MATR3: variants seen among roughly 807,000 people sequenced by gnomAD.
MATR3 encodes matrin 3.
MATR3 carries 4 observed loss-of-function variants against 85.5 expected under a neutral mutation model. The observed-to-expected ratio is 0.05, with a 90% confidence interval of 0.02 to 0.11. The LOEUF (loss-of-function observed/expected upper bound fraction) is 0.11, where lower values mean the gene tolerates loss of function less well. Among genes scored for constraint, MATR3 ranks in the 10% least tolerant of loss-of-function variants. The pLI, the probability that MATR3 is intolerant of heterozygous loss-of-function variation, is 1.00. For missense variants in MATR3, 685 were observed against 1,016.1 expected (o/e 0.67, Z 4.43); for synonymous variants, 336 against 343.1 (o/e 0.98, Z 0.23).
upstream of MATR3, chr5:139,293,688 G>A (rs996629979): frequency 1.9e-5 from 6 of 308,198 alleles, no homozygotes; most frequent in Admixed American, 1.5e-4. Flanking sequence ...TTGTTCTTGG[G>A]CTGCAGCCGC....
At chr5:139,325,729 T>C (rs1755823026) in intron 13 of MATR3, 67 bp downstream of exon 13, 4 of 1,422,120 alleles carry the variant, frequency 2.8e-6, no homozygotes, top group South Asian at 1.2e-5. Context: ...GGTTTTAAAA[T>C]AAGATTTTAA....
intron 4 of MATR3, 36 bp from the exon 5 acceptor site, chr5:139,316,040 T>C (rs1755226279): frequency 7.0e-7 from 1 of 1,438,804 alleles, no homozygotes; most frequent in Non-Finnish European, 9.8e-7. Context: ...TGGACCTCTT[T>C]ATTATGATTT....
intron 2 of MATR3, chr5:139,311,020 A>T (rs1389226955): frequency 6.6e-6 from 1 of 150,578 alleles, no homozygotes; most frequent in East Asian, 1.9e-4. Context: ...CTGGTCTTGA[A>T]CTCCTGACCT....
In MATR3 at chr5:139,330,440, A is replaced by G; in HGVS notation, c.*1045A>G. 1 of 454,466 alleles carries G rather than the reference A, an allele frequency of 2.2e-6. No homozygotes were observed. Among genetic ancestry groups the G allele is most frequent in the South Asian group, 1.6e-5 (1 of 64,476 alleles). The allele number at this position is 454,466 out of a possible 1,614,324, so 28.2% of individuals were successfully genotyped here. On this transcript the variant is annotated 3_prime_UTR_variant, in exon 15 of 15. Coordinates refer to ENST00000394805, the MANE Select transcript of MATR3 (RefSeq NM_018834.6). ...GTTATACATGTTTGGAATGTTAACC[A>G]ACGTATTTGTCAGTTGTGGTTTTTA... is the stretch of plus-strand genomic sequence containing the variant.
At chr5:139,303,803 T>A (rs1021966638) in intron 1 of MATR3, among the ~76,000 whole-genome samples, 2 of 152,198 alleles carry the variant, frequency 1.3e-5, no homozygotes, top group Non-Finnish European at 2.9e-5. Flanking sequence ...TCTAAGAAAT[T>A]AAAGTTAGCT....
At chr5:139,327,722 G>C (rs1044397580) in intron 14 of MATR3, among the ~76,000 whole-genome samples, 1 of 151,416 alleles carries the variant, frequency 6.6e-6, no homozygotes, top group Non-Finnish European at 1.5e-5. Flanking sequence ...TGCCCGCCCT[G>C]GTACAAATAT....
In MATR3 at chr5:139,308,298, A is replaced by G. The variant is rs1295380909; in HGVS notation, c.883A>G (p.Ile295Val). Residue 295 changes from isoleucine to valine, a missense_variant, in exon 2 of 15, where the codon ATA becomes GTA. Physicochemically the swap from Ile to Val is conservative, Grantham distance 29 (BLOSUM62 3). Around this residue, in one of 9 missense-constraint regions of MATR3, gnomAD observed 223 missense variants for 334.4 expected, o/e 0.67. Coordinates refer to ENST00000394805, the MANE Select transcript of MATR3 (RefSeq NM_018834.6). ...GAAGGGTTATCCCCATCTGTGCTCT[A>G]TATGTGATTTGCCAGTTCATTCTAA... The part of the protein sequence containing the change: ...LPKGYPHLCS[I>V]CDLPVHSNKE... 3.7e-6 allele frequency: 6 copies of G among 1,614,022 alleles called. No homozygotes were observed. The highest frequency in any genetic ancestry group is 1.3e-5 in the African/African-American group (1 of 74,924).
Position 139,325,434 on chromosome 5 carries a change from A to C in MATR3, c.2149-6A>C. Reference sequence around the variant, plus strand: ...CAAAAATGATGATGGTTTGGTTGAAATTAAGGTGGACAAGATCGAGGAACT... The same window carrying C: ...CAAAAATGATGATGGTTTGGTTGAACTTAAGGTGGACAAGATCGAGGAACT... On this transcript the variant is annotated splice_polypyrimidine_tract_variant and splice_region_variant and intron_variant, in intron 12 of 14. Transcript: ENST00000394805. The C allele has an allele frequency of 6.2e-7, 1 of 1,614,200 alleles. No homozygotes were observed. The highest frequency in any genetic ancestry group is 8.5e-7 in the Non-Finnish European group (1 of 1,180,036).
At chr5:139,286,424 A>C (rs1441889815) in intron 3 of MATR3, among the ~76,000 whole-genome samples, 1 of 151,206 alleles carries the variant, frequency 6.6e-6, no homozygotes, top group East Asian at 2.0e-4. Context: ...TAATCCTCCC[A>C]CCTCGGCCTC....
At chr5:139,328,641 G>A (rs2152031447) in intron 14 of MATR3, among the ~76,000 whole-genome samples, 2 of 152,272 alleles carry the variant, frequency 1.3e-5, no homozygotes, top group South Asian at 4.1e-4. Flanking sequence ...AAGACTGAAT[G>A]GCCCAATGAG....
At chr5:139,315,031 G>A (rs1293694890) in intron 3 of MATR3, 1 of 360,910 alleles carries the variant, frequency 2.8e-6, no homozygotes. Flanking sequence ...GATATGTAGA[G>A]TGGATTAAAC....
At chr5:139,289,615 C>G (rs1561922517), upstream of MATR3, among the ~76,000 whole-genome samples, 1 of 152,332 alleles carries the variant, frequency 6.6e-6, no homozygotes, top group Non-Finnish European at 1.5e-5. Flanking sequence ...CCTCCTGTTA[C>G]TGTAAAGGAA....
At chr5:139,315,630 G>A in intron 3 of MATR3, 67 bp from the exon 4 acceptor site, 2 of 1,006,330 alleles carry the variant, frequency 2.0e-6, no homozygotes, top group Non-Finnish European at 3.2e-6. Flanking sequence ...TATTTTAGAG[G>A]CCAAACAAGG....
At chr5:139,289,860 A>G (rs910413117), upstream of MATR3, among the ~76,000 whole-genome samples, 10 of 152,108 alleles carry the variant, frequency 6.6e-5, no homozygotes, top group Admixed American at 2.0e-4. Context: ...CAGCCTTTCC[A>G]GTCTATTTCA....
intron 1 of MATR3, among the ~76,000 whole-genome samples, chr5:139,299,451 A>G (rs891738890): frequency 6.6e-6 from 1 of 152,182 alleles, no homozygotes; most frequent in African/African-American, 2.4e-5. Flanking sequence ...AGGGAGGAGG[A>G]TCACTTGAAC....
Position 139,316,939 on chromosome 5 carries a change from A to G in MATR3, c.1130-114A>G, listed in dbSNP as rs1581247446. The G allele has an allele frequency of 6.3e-6, 5 of 794,698 alleles. No homozygotes were observed. The East Asian group carries it at 8.0e-5, about 13-fold the overall frequency. 49.2% of individuals were successfully genotyped at this position (794,698 alleles called of 1,614,324 possible). On this transcript the variant is annotated intron_variant, in intron 5 of 14. Transcript: ENST00000394805. ...CATTGCATGAAAAGTGATGGTAATCATATATTTGTAAGAGCTTTTCATTTG... is the reference window on the plus strand; with the variant it reads ...CATTGCATGAAAAGTGATGGTAATCGTATATTTGTAAGAGCTTTTCATTTG...
At chr5:139,290,017 C>T (rs146960068), upstream of MATR3, among the ~76,000 whole-genome samples, 970 of 152,278 alleles carry the variant, frequency 6.4e-3, 10 homozygotes, top group African/African-American at 0.022. Flanking sequence ...GTTTTCAAGG[C>T]AACACAATTT....
chr5:139,314,703 G>A lies in MATR3; in HGVS notation c.941G>A (p.Ser314Asn). Residue 314 changes from serine to asparagine, a missense_variant, in exon 3 of 15, where the codon AGT (serine) becomes AAT (asparagine). By Grantham distance (46) the Ser-to-Asn change is conservative (BLOSUM62 1). Transcript: ENST00000394805. ...KEWSQHINGA[S>N]HSRRCQLLLE... The stretch of plus-strand genomic sequence containing the variant: ...TGGAGTCAACATATCAATGGAGCAA[G>A]TCACAGTCGTCGATGCCAGCTTCTT... 6.2e-7 allele frequency: 1 copy of A among 1,613,896 alleles called. No individual in the cohort carries two copies. The highest frequency in any genetic ancestry group is 8.5e-7 in the Non-Finnish European group (1 of 1,179,878).
At chr5:139,294,173 C>G (rs1298031164) in intron 1 of MATR3, 16 of 783,912 alleles carry the variant, frequency 2.0e-5, no homozygotes, top group Non-Finnish European at 2.5e-5. Context: ...TAGCCCGTTA[C>G]ACGCGGGCCG....
Sources: gnomAD v4.1 joint callset for allele counts (sites outside exome capture counted in the v4.1 genomes callset) on GRCh38, gnomAD v4.1.1 for gene constraint, gnomAD v4.1.1 regional missense constraint, MANE v1.5 for transcripts, NCBI Gene and HGNC (gene_info 2026-07-23, HGNC 2026-07-21) for gene names.